CSNK1G3: variants seen among roughly 807,000 people sequenced by gnomAD.
CSNK1G3 encodes casein kinase 1 gamma 3, also known as casein kinase I isoform gamma-3.
In CSNK1G3, 23 loss-of-function variants were observed where a neutral mutation model predicts 64.3. The observed-to-expected ratio is 0.36, with a 90% CI of 0.26 to 0.51. CSNK1G3 has a LOEUF of 0.51. Ranked by LOEUF, CSNK1G3 falls within the 20% of genes least tolerant of loss-of-function variation. The pLI, the probability that CSNK1G3 is intolerant of heterozygous loss-of-function variation, is 0.96. For missense variants in CSNK1G3, 357 were observed against 510.5 expected (o/e 0.70, Z 2.90); for synonymous variants, 158 against 162.2 (o/e 0.97, Z 0.20).
intron 12 of CSNK1G3, among the ~76,000 whole-genome samples, chr5:123,607,488 G>A (rs2407855): frequency 0.72 from 110,013 of 152,066 alleles, 40,301 homozygotes; most frequent in East Asian, 0.94. Context: ...TAAATGAAAG[G>A]AGCCAAACAC....
At chr5:123,513,459 A>T (rs1776612701) in intron 1 of CSNK1G3, among the ~76,000 whole-genome samples, 1 of 152,084 alleles carries the variant, frequency 6.6e-6, no homozygotes, top group African/African-American at 2.4e-5. Context: ...GCTACTGTTG[A>T]TACACTGTGT....
intron 1 of CSNK1G3, among the ~76,000 whole-genome samples, chr5:123,527,531 C>G (rs1779289793): frequency 6.6e-6 from 1 of 152,168 alleles, no homozygotes; most frequent in Non-Finnish European, 1.5e-5. Context: ...AGTTATACTA[C>G]TAAGTCTGTT....
At chr5:123,573,776 G>A (rs963803383) in intron 5 of CSNK1G3, among the ~76,000 whole-genome samples, 3 of 151,780 alleles carry the variant, frequency 2.0e-5, no homozygotes, top group African/African-American at 7.3e-5. Flanking sequence ...TGCTCAGTTT[G>A]CAAATTAAGT....
At position 123,593,700 on chromosome 5, in the gene CSNK1G3, G is replaced by A. The variant is rs193123088; in HGVS notation, c.1086+2286G>A. On this transcript the variant is annotated intron_variant, in intron 10 of 12. Transcript: ENST00000345990. ...GCTTAATTCTGGTTATGGATTTGGA[G>A]GGTTTAACGAAAAGACATTATAGAA... 3.8e-3 allele frequency among the ~76,000 whole-genome samples: 575 copies of A among 152,192 alleles called. 21 individuals are homozygous for A. The highest frequency in any genetic ancestry group is 0.035 in the Admixed American group (535 of 15,270).
chr5:123,616,909 ATGTTT>A (rs1749545123), exon 13 of CSNK1G3: 1 of 152,118 alleles, frequency 6.6e-6, no homozygotes, highest in Admixed American at 6.6e-5. Context: ...TTGTTATTTT[ATGTTT>A]TGTTTTGCTT....
chr5:123,567,353 C>T (rs1210064424), intron 4 of CSNK1G3, among the ~76,000 whole-genome samples: 1 of 152,192 alleles, frequency 6.6e-6, no homozygotes, highest in Non-Finnish European at 1.5e-5. Flanking sequence ...GTAATCCCAG[C>T]ACTTTGGGAG....
chr5:123,607,378 A>G (rs903269855), intron 12 of CSNK1G3, among the ~76,000 whole-genome samples: 5 of 152,200 alleles, frequency 3.3e-5, no homozygotes, highest in African/African-American at 9.6e-5. Flanking sequence ...TAGTGGCTAT[A>G]TGTCCTAATA....
intron 6 of CSNK1G3, among the ~76,000 whole-genome samples, chr5:123,577,499 A>G (rs148805113): frequency 9.9e-5 from 15 of 152,078 alleles, no homozygotes; most frequent in African/African-American, 3.1e-4. Context: ...TCAGTACAAA[A>G]TAGTATTTCC....
At chr5:123,539,266 T>C (rs1167101442) in intron 1 of CSNK1G3, among the ~76,000 whole-genome samples, 1 of 151,908 alleles carries the variant, frequency 6.6e-6, no homozygotes, top group African/African-American at 2.4e-5. Context: ...CTGGGCAACA[T>C]GGCAAACCTT....
intron 1 of CSNK1G3, among the ~76,000 whole-genome samples, chr5:123,544,473 T>C (rs950736014): frequency 6.6e-6 from 1 of 152,368 alleles, no homozygotes; most frequent in South Asian, 2.1e-4. Context: ...AAAATTTTTG[T>C]AATAGGAATA....
intron 11 of CSNK1G3, 123 bp from the exon 13 acceptor site, chr5:123,605,216 A>G (rs1472251342): frequency 2.5e-6 from 2 of 812,156 alleles, no homozygotes; most frequent in Admixed American, 3.1e-5. Context: ...AACATAAATT[A>G]TAACAACATT....
intron 3 of CSNK1G3, among the ~76,000 whole-genome samples, chr5:123,556,546 G>A (rs191797563): frequency 1.3e-5 from 2 of 151,806 alleles, no homozygotes; most frequent in East Asian, 3.9e-4. Context: ...TCTCTCTTCT[G>A]TTAATCTGCT....
intron 12 of CSNK1G3, among the ~76,000 whole-genome samples, chr5:123,613,410 C>T (rs2151279198): frequency 1.7e-5 from 2 of 119,702 alleles, no homozygotes; most frequent in African/African-American, 5.7e-5. Flanking sequence ...ATGTCCAGTG[C>T]ATGTGTGTGT....
intron 10 of CSNK1G3, among the ~76,000 whole-genome samples, chr5:123,593,563 A>G (rs766318745): frequency 2.0e-5 from 3 of 151,966 alleles, no homozygotes. Flanking sequence ...CATGACCCCA[A>G]AATATTGCGC....
At chr5:123,525,199 T>A (rs973057761) in intron 1 of CSNK1G3, among the ~76,000 whole-genome samples, 3 of 152,164 alleles carry the variant, frequency 2.0e-5, no homozygotes, top group Non-Finnish European at 4.4e-5. Context: ...ATCACTTATT[T>A]GTTGAATGGA....
At chr5:123,571,406 C>A (rs975909721) in intron 4 of CSNK1G3, among the ~76,000 whole-genome samples, 4 of 152,166 alleles carry the variant, frequency 2.6e-5, no homozygotes, top group Admixed American at 2.6e-4. Context: ...ACCTCAGCCT[C>A]CCGAGTAGCT....
intron 1 of CSNK1G3, among the ~76,000 whole-genome samples, chr5:123,512,905 TG>T (rs2149844837): frequency 6.6e-6 from 1 of 151,378 alleles, no homozygotes; most frequent in East Asian, 2.0e-4. Flanking sequence ...GTGGGCCAAC[TG>T]GGCCGGCGGG....
chr5:123,518,863 G>A (rs531496594), intron 1 of CSNK1G3, among the ~76,000 whole-genome samples: 1 of 152,276 alleles, frequency 6.6e-6, no homozygotes, highest in African/African-American at 2.4e-5. Flanking sequence ...GTTTTGAAGC[G>A]ATTCTCGTGC....
chr5:123,533,940 A>G (rs1011882205), intron 1 of CSNK1G3, among the ~76,000 whole-genome samples: 7 of 151,238 alleles, frequency 4.6e-5, no homozygotes, highest in Non-Finnish European at 8.9e-5. Flanking sequence ...TTTCTGGGTA[A>G]ATGCTTTAGG....
Sources: allele counts gnomAD v4.1 joint callset (sites outside exome capture counted in the v4.1 genomes callset), GRCh38; gene constraint gnomAD v4.1.1; transcripts MANE v1.5; gene names NCBI Gene and HGNC (gene_info 2026-07-23, HGNC 2026-07-21).